IQCM: variants seen among roughly 807,000 people sequenced by gnomAD.
IQCM encodes IQ motif containing M.
Under a neutral mutation model 57.6 loss-of-function variants are expected in IQCM, and 45 were observed. The observed-to-expected ratio is 0.78, with a 90% CI of 0.62 to 1.00. The LOEUF is 1.00. Ranked by LOEUF, IQCM falls within the 50% of genes least tolerant of loss-of-function variation. IQCM has a pLI of 0.00. For synonymous variants in IQCM, 148 were observed against 158.9 expected (o/e 0.93, Z 0.51); for missense variants, 468 against 511.6 (o/e 0.91, Z 0.82).
intron 2 of IQCM, among the ~76,000 whole-genome samples, chr4:149,753,461 T>C (rs1184933510): frequency 3.9e-5 from 6 of 152,006 alleles, no homozygotes; most frequent in Non-Finnish European, 7.4e-5. Flanking sequence ...CAGAATAAAA[T>C]GTGGATTGGA....
intron 7 of IQCM, among the ~76,000 whole-genome samples, chr4:149,661,738 T>A (rs1312294441): frequency 1.3e-5 from 2 of 152,160 alleles, no homozygotes; most frequent in African/African-American, 4.8e-5. Flanking sequence ...TTTGTTGAGG[T>A]ATAGTTGTTC....
chr4:149,380,953 C>T (rs1169062611), intron 13 of IQCM, among the ~76,000 whole-genome samples: 1 of 152,038 alleles, frequency 6.6e-6, no homozygotes, highest in African/African-American at 2.4e-5. Context: ...TTTAATTGAC[C>T]TCTTGCAATC....
chr4:149,805,993 T>C (rs1237261979), intron 2 of IQCM, among the ~76,000 whole-genome samples: 5 of 151,912 alleles, frequency 3.3e-5, no homozygotes, highest in Non-Finnish European at 7.4e-5. Flanking sequence ...TTAATAAAGC[T>C]TGGAGAAATA....
chr4:149,707,022 T>C (rs1315278444), intron 5 of IQCM, among the ~76,000 whole-genome samples: 1 of 151,922 alleles, frequency 6.6e-6, no homozygotes, highest in Non-Finnish European at 1.5e-5. Context: ...AGGAACACAG[T>C]AGACTGACAG....
chr4:149,482,325 A>G lies in IQCM; in HGVS notation c.1229-48768T>C, dbSNP rs1427626851. On this transcript the variant is annotated intron_variant, in intron 12 of 13. Transcript: ENST00000636793. The stretch of plus-strand genomic sequence containing the variant: ...AATTTCTAATGCCATGTTGAATAAC[A>G]GTGGTGAAAGTAGGCATCCTTGTCA... 3.9e-5 allele frequency among the ~76,000 whole-genome samples: 6 copies of G among 152,128 alleles called. No homozygotes were observed. The East Asian group carries it at 1.2e-3, about 29-fold the overall frequency.
At chr4:149,789,764 T>G (rs1772411557) in intron 2 of IQCM, among the ~76,000 whole-genome samples, 1 of 151,792 alleles carries the variant, frequency 6.6e-6, no homozygotes, top group Non-Finnish European at 1.5e-5. Context: ...TTGCTGAGCA[T>G]GGTGTTACAC....
At chr4:149,526,996 A>AC (rs1487415237) in intron 12 of IQCM, among the ~76,000 whole-genome samples, 1 of 152,144 alleles carries the variant, frequency 6.6e-6, no homozygotes, top group African/African-American at 2.4e-5. Flanking sequence ...ACATTTACAG[A>AC]TCAGTACAGC....
intron 8 of IQCM, among the ~76,000 whole-genome samples, chr4:149,607,980 C>A (rs1754945837): frequency 1.3e-5 from 2 of 151,846 alleles, no homozygotes; most frequent in African/African-American, 4.8e-5. Flanking sequence ...CATAGAGCAG[C>A]TGAATGGATT....
intron 8 of IQCM, among the ~76,000 whole-genome samples, chr4:149,613,637 T>C (rs1755509483): frequency 6.6e-6 from 1 of 152,076 alleles, no homozygotes; most frequent in Non-Finnish European, 1.5e-5. Context: ...GTTACATATG[T>C]ATACATGTGC....
chr4:149,557,000 A>T (rs971325637), intron 10 of IQCM, among the ~76,000 whole-genome samples: 9 of 152,230 alleles, frequency 5.9e-5, no homozygotes, highest in Admixed American at 5.2e-4. Context: ...ATTCTTGGTC[A>T]ACTTTATCAT....
chr4:149,532,287 A>T (rs1418900008), intron 12 of IQCM, among the ~76,000 whole-genome samples: 1 of 152,188 alleles, frequency 6.6e-6, no homozygotes, highest in East Asian at 1.9e-4. Context: ...TGCTGGTATG[A>T]TGCCAGGGTC....
intron 7 of IQCM, among the ~76,000 whole-genome samples, chr4:149,645,805 G>T (rs746005788): frequency 8.6e-5 from 13 of 151,896 alleles, no homozygotes; most frequent in Non-Finnish European, 1.6e-4. Flanking sequence ...GCCAACAGTG[G>T]CACCCAACTC....
At chr4:149,556,122 GA>G (rs930278493) in intron 10 of IQCM, among the ~76,000 whole-genome samples, 2 of 151,916 alleles carry the variant, frequency 1.3e-5, no homozygotes, top group African/African-American at 4.8e-5. Context: ...GAATTTATCA[GA>G]AAAAAAGTAC....
chr4:149,550,686 T>A (rs1348535587), intron 11 of IQCM, among the ~76,000 whole-genome samples: 1 of 152,188 alleles, frequency 6.6e-6, no homozygotes, highest in Admixed American at 6.5e-5. Context: ...AATTTTCTGA[T>A]CATTGAAAGA....
At chr4:149,801,063 C>A (rs1367369255) in intron 2 of IQCM, among the ~76,000 whole-genome samples, 1 of 151,528 alleles carries the variant, frequency 6.6e-6, no homozygotes, top group East Asian at 1.9e-4. Flanking sequence ...TATTTGGGGG[C>A]AAAGTTTTTG....
intron 5 of IQCM, among the ~76,000 whole-genome samples, chr4:149,715,666 G>A (rs1764930777): frequency 6.6e-6 from 1 of 152,168 alleles, no homozygotes; most frequent in Non-Finnish European, 1.5e-5. Context: ...CCATGTCCAG[G>A]AAGAATGAGG....
chr4:149,402,606 A>C (rs1407233047), intron 13 of IQCM, among the ~76,000 whole-genome samples: 1 of 151,790 alleles, frequency 6.6e-6, no homozygotes, highest in African/African-American at 2.4e-5. Flanking sequence ...TTCAATAAAC[A>C]ATGTTCCTTT....
At chr4:149,685,664 G>T (rs531853338) in intron 6 of IQCM, among the ~76,000 whole-genome samples, 396 of 151,530 alleles carry the variant, frequency 2.6e-3, no homozygotes, top group African/African-American at 9.1e-3. Context: ...TTCTGACCAT[G>T]TTATAATATC....
At chr4:149,455,915 C>G (rs914952623) in intron 12 of IQCM, among the ~76,000 whole-genome samples, 2 of 151,686 alleles carry the variant, frequency 1.3e-5, no homozygotes, top group Admixed American at 6.6e-5. Context: ...GTGGAGGCAG[C>G]AGTGATCTAT....
Sources: gnomAD v4.1 joint callset for allele counts (sites outside exome capture counted in the v4.1 genomes callset) on GRCh38, gnomAD v4.1.1 for gene constraint, MANE v1.5 for transcripts, NCBI Gene and HGNC (gene_info 2026-07-23, HGNC 2026-07-21) for gene names.